The following HMCN1 variants were observed in gnomAD, a reference collection of about 807,000 sequenced individuals.
The protein encoded by HMCN1 is hemicentin-1.
HMCN1 carries 321 observed loss-of-function variants against 625.9 expected under a neutral mutation model. The observed-to-expected ratio is 0.51, with a 90% CI of 0.47 to 0.56. The LOEUF (loss-of-function observed/expected upper bound fraction) is 0.56, where lower values mean the gene tolerates loss of function less well. HMCN1 is among the 20% of genes least tolerant of loss of function. The pLI, the probability that HMCN1 is intolerant of heterozygous loss-of-function variation, is 0.00. For synonymous variants in HMCN1, 2,425 were observed against 2,417.6 expected (o/e 1.00, Z -0.09); for missense variants, 6,588 against 6,887.3 (o/e 0.96, Z 1.54).
rs765175348 is a variant in HMCN1, at chr1:186,103,598, G to A, written c.10700G>A (p.Arg3567Gln). The A allele has an allele frequency of 1.2e-5, 20 of 1,613,762 alleles. No individual in the cohort carries two copies. Among genetic ancestry groups the A allele is most frequent in the African/African-American group, 4.0e-5 (3 of 74,910 alleles). Residue 3567 changes from arginine to glutamine, a missense_variant, in exon 69 of 107, where the codon CGG becomes CAG. Arg to Gln is a conservative substitution (Grantham distance 43). This residue lies in a region of HMCN1 where 4,628 missense variants were observed against 4,853.1 expected (regional missense o/e 0.95). Coordinates refer to ENST00000271588, the MANE Select transcript of HMCN1 (RefSeq NM_031935.3). ...APKMTWMKDG[R>Q]PLPQTDQVQT... is the part of the protein sequence containing the mutation. ...AAAATGACCTGGATGAAAGATGGCC[G>A]GCCCCTTCCACAGACGGATCAAGTG...
intron 68 of HMCN1, among the ~76,000 whole-genome samples, chr1:186,098,636 A>C (rs1453145633): frequency 2.6e-5 from 4 of 152,056 alleles, no homozygotes; most frequent in Non-Finnish European, 4.4e-5. Context: ...GGTTCCTAAA[A>C]AAATTAAGAA....
At position 186,133,337 on chromosome 1, in the gene HMCN1, A is replaced by G. The variant is rs546077219; in HGVS notation, c.13312+928A>G. 1.4e-4 allele frequency among the ~76,000 whole-genome samples: 21 copies of G among 152,346 alleles called. No individual in the cohort carries two copies. In the South Asian group the frequency reaches 4.3e-3, roughly 32 times the overall value. ...ATTTATTAAAAATAAAGACTAATGTAAAGGAGCTCAAAAGTGCTCCAGCTT... is the reference window on the plus strand; with the variant it reads ...ATTTATTAAAAATAAAGACTAATGTGAAGGAGCTCAAAAGTGCTCCAGCTT... On this transcript the variant is annotated intron_variant, in intron 86 of 106. Transcript: ENST00000271588.
intron 41 of HMCN1, among the ~76,000 whole-genome samples, chr1:186,047,361 A>G (rs2102258559): frequency 6.6e-6 from 1 of 152,302 alleles, no homozygotes; most frequent in East Asian, 1.9e-4. Context: ...CTCTGACCAA[A>G]TGACAGAGGG....
intron 82 of HMCN1, among the ~76,000 whole-genome samples, chr1:186,127,349 G>A (rs1045509051): frequency 2.0e-5 from 3 of 152,052 alleles, no homozygotes; most frequent in African/African-American, 7.2e-5. Flanking sequence ...GATATTTAAA[G>A]CTATAGCACT....
chr1:186,045,705 G>T lies in HMCN1; in HGVS notation c.6322G>T (p.Gly2108Ter), dbSNP rs776604200. ...TCATGTAGTTCCGCCAAATATTATG[G>T]GAGAAGAACAGAATGTCTCTGTCCT... ...LRVYVPPNIM[G>*]EEQNVSVLIS... The change falls in exon 41 of 107, where the codon GGA becomes TGA. Residue 2108 changes from glycine (G) to a stop codon, truncating the protein, a stop_gained. Coordinates refer to ENST00000271588, the MANE Select transcript of HMCN1 (RefSeq NM_031935.3). LOFTEE classifies it high-confidence loss of function. 6.2e-7 allele frequency: 1 copy of T among 1,613,226 alleles called. No individual in the cohort carries two copies. The highest frequency in any genetic ancestry group is 1.1e-5 in the South Asian group (1 of 91,076).
At chr1:185,879,787 A>G (rs1046114602) in intron 4 of HMCN1, among the ~76,000 whole-genome samples, 1 of 152,150 alleles carries the variant, frequency 6.6e-6, no homozygotes, top group African/African-American at 2.4e-5. Context: ...TGTGGGCGAA[A>G]TGGAGCAGTG....
chr1:185,770,655 A>C (rs1253393866), intron 1 of HMCN1, among the ~76,000 whole-genome samples: 1 of 152,114 alleles, frequency 6.6e-6, no homozygotes, highest in African/African-American at 2.4e-5. Flanking sequence ...TCAGCCCAAT[A>C]AACTGTTTCT....
At chr1:185,743,967 T>C (rs1217968204) in intron 1 of HMCN1, among the ~76,000 whole-genome samples, 2 of 150,320 alleles carry the variant, frequency 1.3e-5, no homozygotes, top group East Asian at 3.9e-4. Context: ...TTCTACTTGA[T>C]GACTTTACTG....
chr1:186,165,665 G>A (rs1285275733), intron 98 of HMCN1, among the ~76,000 whole-genome samples: 2 of 152,210 alleles, frequency 1.3e-5, no homozygotes, highest in Non-Finnish European at 2.9e-5. Flanking sequence ...TAAATGGCTT[G>A]AGGAGCTTAC....
chr1:186,021,647 G>A (rs1039585162), intron 35 of HMCN1, among the ~76,000 whole-genome samples: 3 of 152,090 alleles, frequency 2.0e-5, no homozygotes, highest in African/African-American at 7.2e-5. Flanking sequence ...TATGAATGGA[G>A]AATAGGTTAA....
chr1:185,808,078 C>T (rs1659286698), intron 1 of HMCN1, among the ~76,000 whole-genome samples: 3 of 151,936 alleles, frequency 2.0e-5, no homozygotes, highest in South Asian at 2.1e-4. Context: ...AACAAACAAA[C>T]AAAAAACCTG....
At position 186,052,528 on chromosome 1, in the gene HMCN1, C is replaced by A. The variant is rs1571783173; in HGVS notation, c.6578-424C>A. The stretch of plus-strand genomic sequence containing the variant: ...TCTGTTCTTTAGTATATGTTGTATG[C>A]CTTATGTTTCCAGTTCTGTTCACTA... On this transcript the variant is annotated intron_variant, in intron 42 of 106. Transcript: ENST00000271588. Among the ~76,000 whole-genome samples the A allele has an allele frequency of 3.9e-5, 6 of 152,084 alleles. No individual in the cohort carries two copies. In the South Asian group the frequency reaches 1.2e-3, roughly 32 times the overall value.
chr1:185,904,937 T>G lies in HMCN1; in HGVS notation c.622-4400T>G, dbSNP rs564127125. 3.9e-5 allele frequency among the ~76,000 whole-genome samples: 6 copies of G among 151,936 alleles called. No individual in the cohort carries two copies. The South Asian group carries it at 1.0e-3, about 26-fold the overall frequency. On this transcript the variant is annotated intron_variant, in intron 4 of 106. Coordinates refer to ENST00000271588, the MANE Select transcript of HMCN1 (RefSeq NM_031935.3). ...CTGAGCTTGAAAAATCTCTATCCAG[T>G]GTGACTGAGAAAAATGCATGCATTT...
intron 29 of HMCN1, among the ~76,000 whole-genome samples, chr1:186,006,293 T>C (rs955013935): frequency 6.6e-6 from 1 of 152,198 alleles, no homozygotes; most frequent in African/African-American, 2.4e-5. Context: ...CTTACTAGTG[T>C]ATTATGAATA....
In HMCN1 at chr1:186,178,501, A is replaced by G; in HGVS notation, c.16029A>G (p.Pro5343=). ...GCAGCTTCAAGTGTATCTGTCCACC[A>G]GGACAACATTTATTAGGGGACGGGA... ...TPGSFKCICP[P]GQHLLGDGKS... is the part of the protein sequence containing the mutation. The change falls in exon 104 of 107, where the codon CCA becomes CCG. Residue 5343 remains proline (P), a synonymous_variant. Coordinates refer to ENST00000271588, the MANE Select transcript of HMCN1 (RefSeq NM_031935.3). The G allele has an allele frequency of 6.2e-7, 1 of 1,614,090 alleles. No homozygotes were observed. The highest frequency in any genetic ancestry group is 8.5e-7 in the Non-Finnish European group (1 of 1,179,974).
intron 1 of HMCN1, among the ~76,000 whole-genome samples, chr1:185,799,044 T>A (rs1310412980): frequency 3.3e-5 from 5 of 152,218 alleles, no homozygotes; most frequent in Non-Finnish European, 5.9e-5. Context: ...ACTTTTTTCT[T>A]CCTTTTTAGG....
At chr1:185,955,677 T>TTC (rs1272468944) in intron 11 of HMCN1, among the ~76,000 whole-genome samples, 2 of 152,222 alleles carry the variant, frequency 1.3e-5, no homozygotes, top group Non-Finnish European at 2.9e-5. Context: ...AGTAATGAAT[T>TTC]TCTCAAAAGA....
At chr1:186,037,415 G>T (rs1481282881) in intron 36 of HMCN1, among the ~76,000 whole-genome samples, 1 of 151,976 alleles carries the variant, frequency 6.6e-6, no homozygotes, top group African/African-American at 2.4e-5. Context: ...GTACTTTTCT[G>T]TTTTATTTTG....
chr1:186,001,811 T>C (rs1653222760), intron 28 of HMCN1, 70 bp downstream of exon 28: 1 of 1,249,068 alleles, frequency 8.0e-7, no homozygotes, highest in Non-Finnish European at 1.2e-6. Context: ...GCTGACTATA[T>C]GAAAAAGTAA....
Sources: allele counts gnomAD v4.1 joint callset (sites outside exome capture counted in the v4.1 genomes callset), GRCh38; gene constraint gnomAD v4.1.1; regional missense constraint gnomAD v4.1.1; transcripts MANE v1.5; gene names NCBI Gene and HGNC (gene_info 2026-07-23, HGNC 2026-07-21).